Variants in CYB5R4 observed in about 807,000 individuals in gnomAD.
The protein encoded by CYB5R4 is cytochrome b5 reductase 4, also known as N-terminal cytochrome b5 and cytochrome b5 oxidoreductase domain-containing protein.
A neutral mutation model predicts 70.2 loss-of-function variants in CYB5R4; 55 were observed. The observed-to-expected ratio is 0.78, with a 90% CI of 0.63 to 0.98. The LOEUF (loss-of-function observed/expected upper bound fraction) is 0.98. CYB5R4 is among the 50% of genes least tolerant of loss of function. CYB5R4 has a pLI of 0.00. For missense variants in CYB5R4, 562 were observed against 612.6 expected (o/e 0.92, Z 0.87); for synonymous variants, 197 against 199.5 (o/e 0.99, Z 0.11).
At chr6:83,953,025 C>CT (rs1358864190) in intron 14 of CYB5R4, among the ~76,000 whole-genome samples, 3 of 152,126 alleles carry the variant, frequency 2.0e-5, no homozygotes, top group Non-Finnish European at 4.4e-5. Context: ...AATCTGGAGC[C>CT]TTATAGCACT....
At chr6:83,877,155 G>A (rs188171136) in intron 2 of CYB5R4, among the ~76,000 whole-genome samples, 10 of 152,194 alleles carry the variant, frequency 6.6e-5, no homozygotes, top group Admixed American at 5.2e-4. Flanking sequence ...TATAGTGCAG[G>A]TCTGTTGGCT....
At chr6:83,895,917 AT>A (rs2099461820) in intron 3 of CYB5R4, among the ~76,000 whole-genome samples, 1 of 152,106 alleles carries the variant, frequency 6.6e-6, no homozygotes, top group African/African-American at 2.4e-5. Context: ...AATAATAGTA[AT>A]TTCCTTATTG....
intron 12 of CYB5R4, 55 bp downstream of exon 12, chr6:83,936,431 G>A: frequency 6.8e-7 from 1 of 1,464,500 alleles, no homozygotes; most frequent in Non-Finnish European, 9.4e-7. Context: ...GGATCACATT[G>A]TCCTCTAGTT....
chr6:83,889,664 G>C (rs1247464531), intron 2 of CYB5R4, among the ~76,000 whole-genome samples: 1 of 152,142 alleles, frequency 6.6e-6, no homozygotes, highest in Non-Finnish European at 1.5e-5. Context: ...TTCTTGCATT[G>C]CTGTAAATAA....
At chr6:83,883,834 T>C (rs1279199514) in intron 2 of CYB5R4, among the ~76,000 whole-genome samples, 7 of 152,110 alleles carry the variant, frequency 4.6e-5, no homozygotes, top group Non-Finnish European at 1.0e-4. Context: ...GGATAGGAGT[T>C]AGAGAGCAGT....
chr6:83,910,017 T>C (rs2099464433), intron 4 of CYB5R4: 1 of 1,610,570 alleles, frequency 6.2e-7, no homozygotes, highest in Non-Finnish European at 8.5e-7. Flanking sequence ...TAGTGGCACA[T>C]ACATGTTAAG....
At chr6:83,957,622 C>CAAAAAA (rs34196225) in intron 15 of CYB5R4, among the ~76,000 whole-genome samples, 1 of 66,920 alleles carries the variant, frequency 1.5e-5, no homozygotes, top group African/African-American at 4.8e-5. Context: ...AACTCTGTCT[C>CAAAAAA]AAAAAAAAAA....
In CYB5R4 at chr6:83,934,541, G is replaced by A. The variant is rs1369824558; in HGVS notation, c.815-54G>A. The stretch of plus-strand genomic sequence containing the variant: ...GTATATGCTTTCTCTTAGTGGTTTA[G>A]TATTACTTCTTATTACTTTATGTAT... On this transcript the variant is annotated intron_variant, in intron 10 of 15. Coordinates refer to ENST00000369681, the MANE Select transcript of CYB5R4 (RefSeq NM_016230.4). The A allele has an allele frequency of 2.9e-6, 4 of 1,356,426 alleles. No homozygotes were observed. In the African/African-American group the frequency reaches 5.8e-5, roughly 20 times the overall value. The allele number at this position is 1,356,426 out of a possible 1,614,324, so 84.0% of individuals were successfully genotyped here. A position where few individuals can be genotyped will look rare whatever the true frequency, so the allele number is the denominator to read the frequency against.
At chr6:83,882,724 AC>A (rs1293268844) in intron 2 of CYB5R4, among the ~76,000 whole-genome samples, 1 of 152,200 alleles carries the variant, frequency 6.6e-6, no homozygotes, top group African/African-American at 2.4e-5. Context: ...GTGGTGGCTC[AC>A]GCCTATAATC....
intron 15 of CYB5R4, 30 bp downstream of exon 15, chr6:83,955,492 GC>G: frequency 6.3e-7 from 1 of 1,581,164 alleles, no homozygotes; most frequent in South Asian, 1.2e-5. Flanking sequence ...GAAACAGACT[GC>G]CCAACACTGA....
intron 5 of CYB5R4, among the ~76,000 whole-genome samples, chr6:83,915,129 T>C (rs1300682209): frequency 1.3e-5 from 2 of 152,160 alleles, no homozygotes; most frequent in African/African-American, 4.8e-5. Context: ...AGCTGAGTGG[T>C]GCATCCAGCC....
intron 5 of CYB5R4, among the ~76,000 whole-genome samples, chr6:83,916,813 A>C (rs1369590952): frequency 6.6e-6 from 1 of 152,160 alleles, no homozygotes; most frequent in Non-Finnish European, 1.5e-5. Flanking sequence ...GAAAACCTCT[A>C]AACTGTCTTG....
intron 4 of CYB5R4, among the ~76,000 whole-genome samples, chr6:83,912,255 A>G (rs146190822): frequency 2.7e-4 from 41 of 152,110 alleles, no homozygotes; most frequent in African/African-American, 9.2e-4. Flanking sequence ...ACTCTTTCCA[A>G]ATTATCTTTA....
chr6:83,911,720 T>C (rs2099464713), intron 4 of CYB5R4, among the ~76,000 whole-genome samples: 1 of 152,058 alleles, frequency 6.6e-6, no homozygotes, highest in South Asian at 2.1e-4. Flanking sequence ...ACCTCCTGTA[T>C]ACCTCTTTTA....
chr6:83,948,112 A>G (rs1030566838), intron 14 of CYB5R4, among the ~76,000 whole-genome samples: 4 of 152,212 alleles, frequency 2.6e-5, no homozygotes, highest in Non-Finnish European at 1.5e-5. Context: ...AAAGACTTGG[A>G]ACCAACCTAA....
intron 5 of CYB5R4, among the ~76,000 whole-genome samples, chr6:83,915,297 A>G (rs1004045127): frequency 6.6e-6 from 1 of 152,210 alleles, no homozygotes; most frequent in Non-Finnish European, 1.5e-5. Context: ...TGCAAAAGCA[A>G]GTTACAGAAA....
intron 15 of CYB5R4, among the ~76,000 whole-genome samples, chr6:83,956,676 A>C (rs1008829738): frequency 6.6e-6 from 1 of 152,174 alleles, no homozygotes; most frequent in Admixed American, 6.5e-5. Context: ...TACAGATGCA[A>C]ATTTTCCCCC....
chr6:83,926,856 G>A (rs567481892), intron 10 of CYB5R4, among the ~76,000 whole-genome samples: 1 of 152,180 alleles, frequency 6.6e-6, no homozygotes, highest in Non-Finnish European at 1.5e-5. Flanking sequence ...TATTGAGAAA[G>A]TAATTTTAAT....
chr6:83,893,481 G>A (rs1012446879), intron 2 of CYB5R4, 41 bp from the exon 3 acceptor site: 28 of 1,178,988 alleles, frequency 2.4e-5, no homozygotes, highest in Non-Finnish European at 3.5e-5. Flanking sequence ...CAATTTTTGA[G>A]AAGTTCATTT....
Sources: gnomAD v4.1 joint callset for allele counts (sites outside exome capture counted in the v4.1 genomes callset) on GRCh38, gnomAD v4.1.1 for gene constraint, MANE v1.5 for transcripts, NCBI Gene and HGNC (gene_info 2026-07-23, HGNC 2026-07-21) for gene names.